Variants in SLC9C2 observed in about 807,000 individuals in gnomAD.
SLC9C2 encodes solute carrier family 9 member C2 (putative).
In SLC9C2, 75 loss-of-function variants were observed where a neutral mutation model predicts 140.2. The ratio of observed to expected loss-of-function variants is 0.53; its 90% confidence interval spans 0.44 to 0.65. The LOEUF (loss-of-function observed/expected upper bound fraction) is 0.65, where lower values mean the gene tolerates loss of function less well. Among genes scored for constraint, SLC9C2 ranks in the 30% least tolerant of loss-of-function variants. The pLI, the probability that SLC9C2 is intolerant of heterozygous loss-of-function variation, is 0.00. For missense variants in SLC9C2, 1,074 were observed against 1,331.8 expected, an observed-to-expected ratio of 0.81 and a Z score of 3.01; for synonymous variants, 375 against 420.9, an observed-to-expected ratio of 0.89 and a Z score of 1.34.
At chr1:173,550,142 C>T (rs1171451709) in intron 11 of SLC9C2, among the ~76,000 whole-genome samples, 1 of 152,180 alleles carries the variant, frequency 6.6e-6, no homozygotes, top group Non-Finnish European at 1.5e-5. Context: ...TGGCTCACAA[C>T]TATAATCTCG....
At chr1:173,563,726 T>C (rs1008960784) in intron 9 of SLC9C2, among the ~76,000 whole-genome samples, 2 of 152,120 alleles carry the variant, frequency 1.3e-5, no homozygotes, top group Non-Finnish European at 2.9e-5. Context: ...TAGACTCTCT[T>C]AGTTATTTTT....
At chr1:173,533,495 C>T (rs1661731107) in intron 17 of SLC9C2, 114 bp downstream of exon 17, 1 of 717,382 alleles carries the variant, frequency 1.4e-6, no homozygotes, top group East Asian at 2.7e-5. Context: ...CCCAGGTTGT[C>T]TCAAACTTCT....
chr1:173,595,721 T>C (rs1179188814), intron 4 of SLC9C2, among the ~76,000 whole-genome samples: 2 of 152,172 alleles, frequency 1.3e-5, no homozygotes, highest in Non-Finnish European at 2.9e-5. Flanking sequence ...AGAAAAAGCA[T>C]GTAAATAAAA....
intron 9 of SLC9C2, among the ~76,000 whole-genome samples, chr1:173,566,979 T>C (rs1571577378): frequency 6.6e-6 from 1 of 152,080 alleles, no homozygotes; most frequent in East Asian, 1.9e-4. Flanking sequence ...ACCTGTGTTG[T>C]ATAGTTTGCA....
chr1:173,558,035 T>C (rs1398076437), intron 9 of SLC9C2, among the ~76,000 whole-genome samples: 3 of 152,228 alleles, frequency 2.0e-5, no homozygotes, highest in Admixed American at 6.5e-5. Flanking sequence ...CAGATTACTT[T>C]TCTATACGAC....
intron 13 of SLC9C2, among the ~76,000 whole-genome samples, chr1:173,540,045 G>A (rs1029096280): frequency 2.0e-5 from 3 of 152,194 alleles, no homozygotes; most frequent in African/African-American, 7.2e-5. Context: ...GGGGGTAAAA[G>A]TGACATTGTT....
chr1:173,524,985 TA>T lies in SLC9C2; in HGVS notation c.2366-59del. ...CCTATGCAATAACCACAATAACTAATATTAGTATAATACTGTATAATTTCCA... is the reference window on the plus strand; with the variant it reads ...CCTATGCAATAACCACAATAACTAATTTAGTATAATACTGTATAATTTCCA... On this transcript the variant is annotated intron_variant, in intron 19 of 27. Coordinates refer to ENST00000367714, the MANE Select transcript of SLC9C2 (RefSeq NM_178527.4). 1.9e-6 allele frequency: 3 copies of T among 1,545,614 alleles called. No homozygotes were observed. The Admixed American group carries it at 5.2e-5, about 27-fold the overall frequency.
intron 10 of SLC9C2, among the ~76,000 whole-genome samples, chr1:173,555,824 A>G (rs1474790030): frequency 6.6e-6 from 1 of 152,296 alleles, no homozygotes; most frequent in Non-Finnish European, 1.5e-5. Context: ...TCCATCAAAA[A>G]TAGCACTTCC....
chr1:173,579,400 A>G (rs1665384166), intron 7 of SLC9C2, among the ~76,000 whole-genome samples: 1 of 152,190 alleles, frequency 6.6e-6, no homozygotes, highest in Non-Finnish European at 1.5e-5. Context: ...AAGCACTGCA[A>G]ATCGGGGCTT....
chr1:173,535,804 T>G, intron 15 of SLC9C2, 26 bp downstream of exon 15: 1 of 1,470,010 alleles, frequency 6.8e-7, no homozygotes, highest in Non-Finnish European at 9.1e-7. Context: ...TCAAGTATGT[T>G]TCTATTAAAG....
In SLC9C2 at chr1:173,587,748, CATGAATCTTTATTG is replaced by C. The variant is rs1232888140; in HGVS notation, c.426_439del (p.Phe142LeufsTer10). ...AAAGAGTAGGCAAGATTGCAAATCCCATGAATCTTTATTGAATTTTATAACGACATATCCAATTA... is the reference window on the plus strand; with the variant it reads ...AAAGAGTAGGCAAGATTGCAAATCCCAATTTTATAACGACATATCCAATTA... On this transcript the variant is annotated frameshift_variant, in exon 5 of 28. Transcript: ENST00000367714. LOFTEE classifies it high-confidence loss of function. 1 of 1,613,196 alleles carries C rather than the reference CATGAATCTTTATTG, an allele frequency of 6.2e-7. No homozygotes were observed. The highest frequency in any genetic ancestry group is 8.5e-7 in the Non-Finnish European group (1 of 1,179,438).
At chr1:173,536,100 A>G (rs1332417158) in intron 14 of SLC9C2, 151 bp from the exon 15 acceptor site, 3 of 603,568 alleles carry the variant, frequency 5.0e-6, no homozygotes, top group Admixed American at 8.6e-5. Flanking sequence ...CCACCTATCC[A>G]TCCATGGTCA....
intron 11 of SLC9C2, among the ~76,000 whole-genome samples, chr1:173,551,796 AT>A (rs1046894553): frequency 6.6e-6 from 1 of 152,112 alleles, no homozygotes; most frequent in African/African-American, 2.4e-5. Context: ...AATTAGGCCA[AT>A]TAATAACCCT....
At chr1:173,587,982 C>G (rs1665953328) in intron 4 of SLC9C2, 152 bp from the exon 5 acceptor site, 1 of 511,310 alleles carries the variant, frequency 2.0e-6, no homozygotes, top group Admixed American at 3.7e-5. Context: ...TAACCACCTG[C>G]CACAAAGAAA....
chr1:173,516,610 C>T (rs1218705887), intron 23 of SLC9C2, among the ~76,000 whole-genome samples: 1 of 152,196 alleles, frequency 6.6e-6, no homozygotes, highest in Non-Finnish European at 1.5e-5. Flanking sequence ...TAATGGCCTC[C>T]AGCTCCATCC....
In SLC9C2 at chr1:173,550,420, T is replaced by TTTTATTTA. The variant is rs754602433; in HGVS notation, c.1298-1876_1298-1869dup. Among the ~76,000 whole-genome samples, 647 of 143,444 alleles carry TTTTATTTA rather than the reference T, an allele frequency of 4.5e-3. 8 individuals are homozygous for TTTTATTTA. The highest frequency in any genetic ancestry group is 0.015 in the African/African-American group (556 of 37,344). The allele number at this position is 143,444 out of a possible 152,430, so 94.1% of individuals were successfully genotyped here. ...TCCTGTATCTTTTTTTATTTTTTTA[T>TTTTATTTA]TTTATTTATTTATTTATTTATTTAT... is the stretch of plus-strand genomic sequence containing the variant. On this transcript the variant is annotated intron_variant, in intron 11 of 27. Coordinates refer to ENST00000367714, the MANE Select transcript of SLC9C2 (RefSeq NM_178527.4).
intron 18 of SLC9C2, among the ~76,000 whole-genome samples, chr1:173,529,344 G>A (rs1661408660): frequency 6.6e-6 from 1 of 152,100 alleles, no homozygotes; most frequent in Non-Finnish European, 1.5e-5. Context: ...GTAATAGACA[G>A]ACTGGTGCGA....
intron 4 of SLC9C2, 133 bp downstream of exon 4, chr1:173,597,771 T>C: frequency 1.1e-6 from 1 of 909,002 alleles, no homozygotes; most frequent in African/African-American, 1.7e-5. Flanking sequence ...TTAGTAGTTC[T>C]ATAGAATGAA....
rs1466737187 is a variant in SLC9C2, at chr1:173,533,683, C to G, written c.2089G>C (p.Asp697His). ...GTAAGCTGTATAAGAGCCAAGTTGT[C>G]TGGTCTCAATTTCACAAAGTATACA... ...FCVYFVKLRP[D>H]NLALIQLTVI... Residue 697 changes from aspartate to histidine, a missense_variant, in exon 17 of 28, where the codon GAC (aspartate) becomes CAC (histidine). Coordinates refer to ENST00000367714, the MANE Select transcript of SLC9C2 (RefSeq NM_178527.4). 1 of 1,612,330 alleles carries G rather than the reference C, an allele frequency of 6.2e-7. No individual in the cohort carries two copies. The highest frequency in any genetic ancestry group is 8.5e-7 in the Non-Finnish European group (1 of 1,178,762).
Sources: gnomAD v4.1 joint callset for allele counts (sites outside exome capture counted in the v4.1 genomes callset) on GRCh38, gnomAD v4.1.1 for gene constraint, MANE v1.5 for transcripts, NCBI Gene and HGNC (gene_info 2026-07-23, HGNC 2026-07-21) for gene names.